The following MYH10 variants were observed in gnomAD, a reference collection of about 807,000 sequenced individuals.
The protein encoded by MYH10 is myosin-10.
In MYH10, 55 loss-of-function variants were observed where a neutral mutation model predicts 257.8. The observed-to-expected ratio is 0.21, with a 90% CI of 0.17 to 0.27. The LOEUF (loss-of-function observed/expected upper bound fraction) is 0.27. MYH10 is among the 10% of genes least tolerant of loss of function. MYH10 has a pLI of 1.00. For missense variants in MYH10, 1,631 were observed against 2,500.6 expected, an observed-to-expected ratio of 0.65 and a Z score of 7.42; for synonymous variants, 854 against 921.7, an observed-to-expected ratio of 0.93 and a Z score of 1.33.
At chr17:8,553,896 G>A (rs1008563735) in intron 8 of MYH10, 59 bp downstream of exon 8, 18 of 1,385,470 alleles carry the variant, frequency 1.3e-5, no homozygotes, top group Non-Finnish European at 1.8e-5. Flanking sequence ...GTTGCCATGG[G>A]GTTGTAGGAA....
intron 9 of MYH10, 62 bp from the exon 10 acceptor site, chr17:8,548,849 C>T (rs1202847787): frequency 2.1e-6 from 3 of 1,430,940 alleles, no homozygotes; most frequent in African/African-American, 2.8e-5. Context: ...TAAGCCATAA[C>T]TGCATTCAAA....
chr17:8,600,206 C>T (rs538879940), intron 3 of MYH10, among the ~76,000 whole-genome samples: 27 of 152,058 alleles, frequency 1.8e-4, no homozygotes, highest in Non-Finnish European at 3.7e-4. Flanking sequence ...TTTTACCAAA[C>T]AAGAATAACC....
intron 14 of MYH10, among the ~76,000 whole-genome samples, chr17:8,540,750 A>T (rs1273240944): frequency 6.6e-6 from 1 of 152,198 alleles, no homozygotes; most frequent in East Asian, 1.9e-4. Context: ...AAAACATATC[A>T]TATAGTCATC....
chr17:8,505,957 G>A, intron 27 of MYH10: 1 of 159,498 alleles, frequency 6.3e-6, no homozygotes, highest in Non-Finnish European at 1.4e-5. Flanking sequence ...TCCAGCCTGG[G>A]TGACAGAGTG....
At position 8,485,662 on chromosome 17, in the gene MYH10, A is replaced by G. The variant is rs143927288; in HGVS notation, c.5047-1396T>C. Among the ~76,000 whole-genome samples the G allele has an allele frequency of 3.7e-4, 56 of 152,358 alleles. No individual in the cohort carries two copies. In the East Asian group the frequency reaches 0.011, roughly 29 times the overall value. Reference sequence around the variant, plus strand: ...CTTCACACCCACTAAGATGGTTACAATCAAAAGATGGACAATAACAAATGT... The same window carrying G: ...CTTCACACCCACTAAGATGGTTACAGTCAAAAGATGGACAATAACAAATGT... On this transcript the variant is annotated intron_variant, in intron 36 of 42. Coordinates refer to ENST00000360416, the MANE Select transcript of MYH10 (RefSeq NM_001256012.3).
intron 14 of MYH10, among the ~76,000 whole-genome samples, chr17:8,541,597 G>A (rs1349480068): frequency 6.6e-6 from 1 of 151,644 alleles, no homozygotes; most frequent in Non-Finnish European, 1.5e-5. Context: ...AGTTTCTGAT[G>A]CTTTCTAAGA....
At chr17:8,615,035 T>A (rs1192930954) in intron 2 of MYH10, among the ~76,000 whole-genome samples, 1 of 152,226 alleles carries the variant, frequency 6.6e-6, no homozygotes, top group East Asian at 1.9e-4. Context: ...GGCTCATGCC[T>A]GTAATCCCAA....
At chr17:8,607,847 A>G (rs2084869499) in intron 2 of MYH10, among the ~76,000 whole-genome samples, 1 of 152,230 alleles carries the variant, frequency 6.6e-6, no homozygotes, top group African/African-American at 2.4e-5. Flanking sequence ...AACTGGTATT[A>G]TAAATAACAG....
chr17:8,501,422 G>T (rs574292786), intron 28 of MYH10, among the ~76,000 whole-genome samples: 2 of 152,192 alleles, frequency 1.3e-5, no homozygotes, highest in Non-Finnish European at 2.9e-5. Context: ...TCAGGAATTG[G>T]TTAACACAAG....
intron 25 of MYH10, 132 bp from the exon 26 acceptor site, chr17:8,508,809 TAC>T (rs1184933750): frequency 2.0e-6 from 2 of 1,011,960 alleles, no homozygotes; most frequent in Non-Finnish European, 2.9e-6. Context: ...CAGCAGACTG[TAC>T]ACAATCACAT....
In MYH10 at chr17:8,544,055, A is replaced by T. The variant is rs114565383; in HGVS notation, c.1431+1393T>A. Among the ~76,000 whole-genome samples, 819 of 151,862 alleles carry T rather than the reference A, an allele frequency of 5.4e-3. 6 individuals are homozygous for T. Among genetic ancestry groups the T allele is most frequent in the African/African-American group, 0.018 (758 of 41,426 alleles). On this transcript the variant is annotated intron_variant, in intron 13 of 42. Coordinates refer to ENST00000360416, the MANE Select transcript of MYH10 (RefSeq NM_001256012.3). ...ACAATGTATCTTGTTATGTTGTGGG[A>T]TCTTTCCTTAGTGTATAAAGCCAGC...
In MYH10 at chr17:8,475,748, C is replaced by A; in HGVS notation, c.*56G>T. On this transcript the variant is annotated 3_prime_UTR_variant, in exon 43 of 43. Coordinates refer to ENST00000360416, the MANE Select transcript of MYH10 (RefSeq NM_001256012.3). ...GCCAATTTCCGAAATCTGCAGGAGG[C>A]CCCGGGTGCATTCCTAACTGTCCCA... 1 of 1,571,404 alleles carries A rather than the reference C, an allele frequency of 6.4e-7. No individual in the cohort carries two copies. Among genetic ancestry groups the A allele is most frequent in the Non-Finnish European group, 8.7e-7 (1 of 1,155,066 alleles).
chr17:8,580,208 C>T (rs960267865), intron 4 of MYH10, among the ~76,000 whole-genome samples: 3 of 151,988 alleles, frequency 2.0e-5, no homozygotes, highest in Non-Finnish European at 4.4e-5. Flanking sequence ...CGTTCTGAAA[C>T]GTGACTAACC....
At position 8,535,666 on chromosome 17, in the gene MYH10, T is replaced by C. The variant is rs1324341101; in HGVS notation, c.1779+92A>G. 1.5e-6 allele frequency: 2 copies of C among 1,355,300 alleles called. No homozygotes were observed. Among genetic ancestry groups the C allele is most frequent in the East Asian group, 2.3e-5 (1 of 43,338 alleles). The allele number at this position is 1,355,300 out of a possible 1,614,324, so 84.0% of individuals were successfully genotyped here. On this transcript the variant is annotated intron_variant, in intron 15 of 42. Transcript: ENST00000360416. This position sits in a 1 kb window ranked among gnomAD's most constrained non-coding sequence, Gnocchi z 4.3. ...TATATACTGTATTTGTTTATAAATG[T>C]TTATCAGCACCTTTGTTACACCTTC...
chr17:8,484,356 GC>G, intron 36 of MYH10, 90 bp from the exon 37 acceptor site: 1 of 1,300,102 alleles, frequency 7.7e-7, no homozygotes, highest in Non-Finnish European at 1.0e-6. Flanking sequence ...TGGCTGTGTT[GC>G]CCAGGCTGAT....
At position 8,604,709 on chromosome 17, in the gene MYH10, T is replaced by A. The variant is rs139520225; in HGVS notation, c.502+117A>T. 9.2e-5 allele frequency: 69 copies of A among 751,338 alleles called. No individual in the cohort carries two copies. The African/African-American group carries it at 1.1e-3, about 12-fold the overall frequency. 46.5% of individuals were successfully genotyped at this position (751,338 alleles called of 1,614,324 possible). ...AATTTTTCTACAATAAACATTACTT[T>A]TTTATTAATTTTAAAAAAATAAAAT... On this transcript the variant is annotated intron_variant, in intron 3 of 42. Coordinates refer to ENST00000360416, the MANE Select transcript of MYH10 (RefSeq NM_001256012.3).
chr17:8,592,933 C>CCACATATATATATATA (rs1555612260), intron 3 of MYH10, among the ~76,000 whole-genome samples: 5 of 44,712 alleles, frequency 1.1e-4, no homozygotes, highest in Non-Finnish European at 9.0e-5. Context: ...TCAAATCCAG[C>CCACATATATATATATA]TATATATATA....
At chr17:8,573,935 C>CATGTGAGAGTTCCAG in intron 6 of MYH10, 2 of 417,140 alleles carry the variant, frequency 4.8e-6, no homozygotes, top group Non-Finnish European at 6.4e-6. Context: ...GAAACTGGAA[C>CATGTGAGAGTTCCAG]TCTCACATGT....
At chr17:8,581,094 G>A (rs2083688280) in intron 4 of MYH10, among the ~76,000 whole-genome samples, 2 of 152,098 alleles carry the variant, frequency 1.3e-5, no homozygotes, top group Admixed American at 6.6e-5. Context: ...CTGATGGCCA[G>A]GTGCCAGGAT....
Sources: allele counts gnomAD v4.1 joint callset (sites outside exome capture counted in the v4.1 genomes callset), GRCh38; gene constraint gnomAD v4.1.1; non-coding constraint Gnocchi (gnomAD v3.1); transcripts MANE v1.5; gene names NCBI Gene and HGNC (gene_info 2026-07-23, HGNC 2026-07-21).